Variants in VWA5B1 observed in about 807,000 individuals in gnomAD.
VWA5B1 encodes the protein von Willebrand factor A domain containing 5B1, also known as von Willebrand factor A domain-containing protein 5B1.
A neutral mutation model predicts 118.2 loss-of-function variants in VWA5B1; 115 were observed. That is an observed-to-expected ratio of 0.97 (90% CI 0.84 to 1.14). The LOEUF is 1.14. Ranked by LOEUF, VWA5B1 falls within the 50% of genes most tolerant of loss-of-function variation. The probability of loss-of-function intolerance (pLI) is 0.00; values close to 1 mark genes in which losing one functional copy is unlikely to be tolerated. For synonymous variants in VWA5B1, 682 were observed against 658.4 expected (o/e 1.04, Z -0.55); for missense variants, 1,596 against 1,603.8 (o/e 1.00, Z 0.08).
chr1:20,320,434 G>T (rs1250374807), intron 7 of VWA5B1, among the ~76,000 whole-genome samples: 2 of 152,214 alleles, frequency 1.3e-5, no homozygotes, highest in Admixed American at 1.3e-4. Context: ...GTGCCCCTCA[G>T]CCAGATGAGT....
intron 1 of VWA5B1, among the ~76,000 whole-genome samples, chr1:20,291,857 G>A (rs938183024): frequency 2.0e-5 from 3 of 152,214 alleles, no homozygotes; most frequent in African/African-American, 7.2e-5. Context: ...TGTGGCGCCT[G>A]CTAACGCATC....
intron 7 of VWA5B1, among the ~76,000 whole-genome samples, chr1:20,320,345 G>T (rs758787313): frequency 1.2e-4 from 18 of 152,256 alleles, no homozygotes; most frequent in Non-Finnish European, 1.9e-4. Flanking sequence ...CCCATGCTCT[G>T]CCCGCCTAGC....
chr1:20,315,035 T>G (rs767859714), intron 4 of VWA5B1, among the ~76,000 whole-genome samples: 8 of 152,166 alleles, frequency 5.3e-5, no homozygotes, highest in Admixed American at 1.3e-4. Flanking sequence ...TGTACTGGAA[T>G]GCGTTATTGA....
chr1:20,312,715 C>T, intron 2 of VWA5B1, 121 bp from the exon 3 acceptor site: 1 of 1,323,892 alleles, frequency 7.6e-7, no homozygotes, highest in Non-Finnish European at 9.8e-7. Context: ...GGCCTCTCGG[C>T]ATCCAATAAG....
At chr1:20,334,866 G>A (rs868467278) in intron 12 of VWA5B1, among the ~76,000 whole-genome samples, 23 of 152,150 alleles carry the variant, frequency 1.5e-4, no homozygotes, top group African/African-American at 5.6e-4. Context: ...CCTACTCCTA[G>A]GAGTCTAGCC....
intron 1 of VWA5B1, among the ~76,000 whole-genome samples, chr1:20,305,263 G>A (rs1454893379): frequency 6.6e-6 from 1 of 152,162 alleles, no homozygotes; most frequent in African/African-American, 2.4e-5. Context: ...GAAGTTCAAG[G>A]CATGGGAGTG....
intron 21 of VWA5B1, 77 bp from the exon 22 acceptor site, chr1:20,353,680 A>G: frequency 1.4e-6 from 2 of 1,428,962 alleles, no homozygotes; most frequent in Admixed American, 3.0e-5. Context: ...GGCAACATGG[A>G]TCCAGACTTT....
intron 1 of VWA5B1, among the ~76,000 whole-genome samples, chr1:20,301,259 T>A (rs993260654): frequency 2.6e-5 from 4 of 152,100 alleles, no homozygotes; most frequent in Non-Finnish European, 5.9e-5. Flanking sequence ...GCCGGAAGGA[T>A]AACCCAAAGA....
rs2089061530 is a variant in VWA5B1, at chr1:20,317,659, G to A, written c.693G>A (p.Gly231=). The change falls in exon 5 of 22, where the codon GGG becomes GGA. Residue 231 remains glycine (G), a synonymous_variant. Coordinates refer to ENST00000289815, the MANE Select transcript of VWA5B1 (RefSeq NM_001039500.3). ...TCAACTTCCAGCTGGAGATCCGTGG[G>A]CCATGTCTGCTCGCAGGTGAGAGGG... is the stretch of plus-strand genomic sequence containing the variant. ...YEFNFQLEIR[G]PCLLAGVESP... The A allele has an allele frequency of 3.2e-6, 5 of 1,551,468 alleles. No individual in the cohort carries two copies. Among genetic ancestry groups the A allele is most frequent in the Middle Eastern group, 3.3e-4 (2 of 5,988 alleles).
In VWA5B1 at chr1:20,343,121, C is replaced by T. The variant is rs950252911; in HGVS notation, c.2354C>T (p.Ser785Leu). Residue 785 changes from serine to leucine, a missense_variant, in exon 16 of 22, where the codon TCG becomes TTG. By Grantham distance (145) the Ser-to-Leu change is moderately radical. Transcript: ENST00000289815. Reference sequence around the variant, plus strand: ...TCTGCCTTCGAGACAGAGACGTCCTCGGACTGGGACCCCCCAGCCGAGTCC... The same window carrying T: ...TCTGCCTTCGAGACAGAGACGTCCTTGGACTGGGACCCCCCAGCCGAGTCC... ...HPSAFETETS[S>L]DWDPPAESQE... 2.6e-6 allele frequency: 4 copies of T among 1,540,180 alleles called. No homozygotes were observed. The highest frequency in any genetic ancestry group is 2.0e-5 in the Admixed American group (1 of 50,512).
intron 14 of VWA5B1, chr1:20,338,163 T>A (rs12404015): frequency 0.061 from 29,353 of 478,576 alleles, 1,113 homozygotes; most frequent in Admixed American, 0.1. Flanking sequence ...AGTACAGATG[T>A]GGAAATTGAG....
chr1:20,357,404 C>T lies in VWA5B1; in HGVS notation c.*3141C>T, dbSNP rs768188417. Among the ~76,000 whole-genome samples, 2 of 152,238 alleles carry T rather than the reference C, an allele frequency of 1.3e-5. No individual in the cohort carries two copies. The highest frequency in any genetic ancestry group is 2.9e-5 in the Non-Finnish European group (2 of 68,042). On this transcript the variant is annotated 3_prime_UTR_variant, in exon 22 of 22. Coordinates refer to ENST00000289815, the MANE Select transcript of VWA5B1 (RefSeq NM_001039500.3). ...AGATGTTGAGGAAGCAGTAGAAAGA[C>T]AAACTTCTTTAGATTAGGACAACCT...
intron 17 of VWA5B1, 24 bp from the exon 18 acceptor site, chr1:20,348,221 C>A: frequency 6.5e-7 from 1 of 1,548,134 alleles, no homozygotes; most frequent in Non-Finnish European, 8.7e-7. Context: ...CCCAACCACC[C>A]GCTTCCCCTT....
chr1:20,343,163 C>T lies in VWA5B1; in HGVS notation c.2396C>T (p.Pro799Leu). 1 of 1,548,982 alleles carries T rather than the reference C, an allele frequency of 6.5e-7. No individual in the cohort carries two copies. The highest frequency in any genetic ancestry group is 1.2e-5 in the South Asian group (1 of 83,980). The change falls in exon 16 of 22, where the codon CCC (proline) becomes CTC (leucine). Residue 799 changes from proline (P) to leucine (L), a missense_variant. By Grantham distance (98) the Pro-to-Leu change is moderately conservative (BLOSUM62 -3). Transcript: ENST00000289815. The part of the protein sequence containing the change: ...PPAESQERAS[P>L]SRPATPAPVL... ...GCCGAGTCCCAGGAGCGAGCCAGTC[C>T]CAGCAGGCCCGCCACCCCGGCCCCG...
intron 8 of VWA5B1, among the ~76,000 whole-genome samples, chr1:20,326,726 A>C (rs567500235): frequency 6.6e-6 from 1 of 151,854 alleles, no homozygotes; most frequent in South Asian, 2.1e-4. Flanking sequence ...TCGGATTACA[A>C]GCGTGAGTTA....
intron 16 of VWA5B1, among the ~76,000 whole-genome samples, chr1:20,344,345 C>T (rs1348427009): frequency 6.6e-6 from 1 of 152,166 alleles, no homozygotes; most frequent in Non-Finnish European, 1.5e-5. Flanking sequence ...AAGGGCTCCA[C>T]GCACTCATTC....
chr1:20,321,113 C>CAAAAAAAAAAAAAAAAAAAAA (rs4062863), intron 7 of VWA5B1, among the ~76,000 whole-genome samples: 2 of 94,194 alleles, frequency 2.1e-5, no homozygotes, highest in African/African-American at 4.3e-5. Flanking sequence ...GTAACAGAGG[C>CAAAAAAAAAAAAAAAAAAAAA]AAAAAAAAAA....
chr1:20,351,091 T>A (rs371120841), intron 20 of VWA5B1, among the ~76,000 whole-genome samples, 165 bp downstream of exon 20: 2 of 152,246 alleles, frequency 1.3e-5, no homozygotes, highest in East Asian at 1.9e-4. Flanking sequence ...GTCTCCCAGG[T>A]CTCACCCTAC....
At position 20,330,189 on chromosome 1, in the gene VWA5B1, G is replaced by A. The variant is rs772078900; in HGVS notation, c.1264G>A (p.Ala422Thr). Residue 422 changes from alanine (A) to threonine (T), a missense_variant, in exon 10 of 22, where the codon GCC becomes ACC. By Grantham distance (58) the Ala-to-Thr change is moderately conservative. Coordinates refer to ENST00000289815, the MANE Select transcript of VWA5B1 (RefSeq NM_001039500.3). ...SSQTYSEDSLAMACDDIQRMK... is the reference protein window; with the variant it reads ...SSQTYSEDSLTMACDDIQRMK... ...GTCTGCTTCTCTGCAGGACAGCTTG[G>A]CCATGGCTTGTGATGACATCCAGAG... The A allele has an allele frequency of 6.4e-7, 1 of 1,551,708 alleles. No homozygotes were observed. The highest frequency in any genetic ancestry group is 8.7e-7 in the Non-Finnish European group (1 of 1,147,000).
Sources: gnomAD v4.1 joint callset for allele counts (sites outside exome capture counted in the v4.1 genomes callset) on GRCh38, gnomAD v4.1.1 for gene constraint, MANE v1.5 for transcripts, NCBI Gene and HGNC (gene_info 2026-07-23, HGNC 2026-07-21) for gene names.